The following RGPD3 variants were observed in gnomAD, a reference collection of about 807,000 sequenced individuals.
The protein encoded by RGPD3 is RANBP2 like and GRIP domain containing 3.
In RGPD3, 62 loss-of-function variants were observed where a neutral mutation model predicts 154.5. The ratio of observed to expected loss-of-function variants is 0.40; its 90% CI spans 0.33 to 0.50. The LOEUF is 0.50. Ranked by LOEUF, RGPD3 falls within the 20% of genes least tolerant of loss-of-function variation. The probability of loss-of-function intolerance (pLI) is 0.59; values close to 1 mark genes in which losing one functional copy is unlikely to be tolerated. For missense variants in RGPD3, 919 were observed against 1,716.8 expected (o/e 0.54, Z 8.21); for synonymous variants, 308 against 607.0 (o/e 0.51, Z 7.24).
chr2:106,467,634 C>A (rs1678668350), intron 1 of RGPD3, among the ~76,000 whole-genome samples: 1 of 143,868 alleles, frequency 7.0e-6, no homozygotes, highest in East Asian at 2.0e-4. Flanking sequence ...GAGGCAGCCG[C>A]CTCCACAGAG....
At chr2:106,441,109 A>T (rs895402726) in intron 8 of RGPD3, among the ~76,000 whole-genome samples, 184 bp downstream of exon 8, 4 of 149,778 alleles carry the variant, frequency 2.7e-5, no homozygotes, top group East Asian at 1.9e-4. Context: ...TCAAATATTC[A>T]TTTTTTTTAA....
intron 4 of RGPD3, among the ~76,000 whole-genome samples, chr2:106,455,055 C>T (rs1381312534): frequency 5.3e-5 from 8 of 152,190 alleles, no homozygotes; most frequent in Non-Finnish European, 8.8e-5. Context: ...AATCCCAGCA[C>T]TTTGGGAGGC....
At chr2:106,418,506 C>T (rs1676881947) in intron 20 of RGPD3, among the ~76,000 whole-genome samples, 1 of 152,082 alleles carries the variant, frequency 6.6e-6, no homozygotes, top group Non-Finnish European at 1.5e-5. Flanking sequence ...GCCCAGAATC[C>T]AGGGCACGGA....
At chr2:106,426,265 G>GA (rs1312235664) in intron 18 of RGPD3, among the ~76,000 whole-genome samples, 177 bp from the exon 19 acceptor site, 2 of 148,288 alleles carry the variant, frequency 1.3e-5, no homozygotes, top group Non-Finnish European at 3.0e-5. Flanking sequence ...TGACAAACTA[G>GA]AAAAAAACTG....
chr2:106,437,490 T>G (rs908152532), intron 9 of RGPD3, among the ~76,000 whole-genome samples: 8 of 152,028 alleles, frequency 5.3e-5, no homozygotes, highest in African/African-American at 1.4e-4. Context: ...CCAGCCTGGG[T>G]GACAGAGCGA....
At position 106,404,231 on chromosome 2, in the gene RGPD3, A is replaced by G. The variant is rs1305275907; in HGVS notation, c.*988T>C. ...GTTGGGATAGGTTTTTATTTGGGAA[A>G]ATGGAGAGGATTCTCAAAACAGATT... On this transcript the variant is annotated 3_prime_UTR_variant, in exon 23 of 23. Transcript: ENST00000409886. 1.3e-5 allele frequency among the ~76,000 whole-genome samples: 2 copies of G among 150,268 alleles called. No individual in the cohort carries two copies. The highest frequency in any genetic ancestry group is 5.0e-5 in the African/African-American group (2 of 40,016).
At chr2:106,450,760 C>CT (rs1172014126) in intron 6 of RGPD3, among the ~76,000 whole-genome samples, 1 of 123,850 alleles carries the variant, frequency 8.1e-6, no homozygotes, top group Non-Finnish European at 1.6e-5. Context: ...TGTCGGGCAC[C>CT]TGTAGTTCCA....
In RGPD3 at chr2:106,422,936, C is replaced by A. The variant is rs1196923960; in HGVS notation, c.4924+107G>T. 19 of 1,597,046 alleles carry A rather than the reference C, an allele frequency of 1.2e-5. No homozygotes were observed. In the East Asian group the frequency reaches 3.6e-4, roughly 30 times the overall value. ...TGCTCAAATATTTTAGGGGTGTTCA[C>A]AAAGCATCGTTCATATCCCAACATT... On this transcript the variant is annotated intron_variant, in intron 20 of 22. Coordinates refer to ENST00000409886, the MANE Select transcript of RGPD3 (RefSeq NM_001144013.2).
intron 20 of RGPD3, among the ~76,000 whole-genome samples, chr2:106,420,799 C>A (rs563900562): frequency 1.3e-5 from 2 of 152,216 alleles, no homozygotes; most frequent in Non-Finnish European, 2.9e-5. Flanking sequence ...ATTTGAGATG[C>A]GGTCTTCCTT....
chr2:106,441,398 A>C lies in RGPD3; in HGVS notation c.979-18T>G. ...CTTGGAACCTAATAATTTTAGAATC[A>C]AAAATCTTAATTTGATGATACCCAT... On this transcript the variant is annotated intron_variant, in intron 7 of 22. Transcript: ENST00000409886. 2 of 1,357,594 alleles carry C rather than the reference A, an allele frequency of 1.5e-6. No individual in the cohort carries two copies. Among genetic ancestry groups the C allele is most frequent in the Non-Finnish European group, 2.0e-6 (2 of 996,402 alleles). The allele number at this position is 1,357,594 out of a possible 1,614,324, so 84.1% of individuals were successfully genotyped here.
chr2:106,442,497 G>GAAA (rs200777302), intron 7 of RGPD3, among the ~76,000 whole-genome samples: 31 of 99,172 alleles, frequency 3.1e-4, no homozygotes, highest in Non-Finnish European at 5.3e-4. Context: ...AATAACCTAT[G>GAAA]AAAAAAAAAA....
At chr2:106,407,078 TG>T (rs1676538753) in intron 22 of RGPD3, among the ~76,000 whole-genome samples, 1 of 148,686 alleles carries the variant, frequency 6.7e-6, no homozygotes, top group African/African-American at 2.5e-5. Context: ...TTGGCATGGC[TG>T]GGGTCTCATC....
intron 9 of RGPD3, among the ~76,000 whole-genome samples, chr2:106,437,612 G>A (rs971046211): frequency 6.6e-6 from 1 of 152,194 alleles, no homozygotes; most frequent in African/African-American, 2.4e-5. Context: ...ACTTAAAGAT[G>A]TTCATGTCCT....
intron 1 of RGPD3, among the ~76,000 whole-genome samples, chr2:106,463,805 G>A (rs1311287536): frequency 2.3e-4 from 35 of 152,114 alleles, no homozygotes; most frequent in Middle Eastern, 3.2e-3. Context: ...GAGGGTTTAA[G>A]TTGCTGAGTT....
At chr2:106,426,719 AC>A in intron 18 of RGPD3, among the ~76,000 whole-genome samples, 1 of 152,264 alleles carries the variant, frequency 6.6e-6, no homozygotes, top group Non-Finnish European at 1.5e-5. Context: ...CCTGTTAATG[AC>A]AAAACTACCA....
In RGPD3 at chr2:106,424,534, CTA is replaced by C. The variant is rs1037711653; in HGVS notation, c.3431_3432del (p.Leu1144ArgfsTer8). 2.5e-5 allele frequency: 41 copies of C among 1,607,994 alleles called. No homozygotes were observed. Among genetic ancestry groups the C allele is most frequent in the Non-Finnish European group, 3.5e-5 (41 of 1,179,332 alleles). On this transcript the variant is annotated frameshift_variant, in exon 20 of 23. Coordinates refer to ENST00000409886, the MANE Select transcript of RGPD3 (RefSeq NM_001144013.2). LOFTEE classifies it high-confidence loss of function. ...ASDFSDGDAKLERLAAKFKTP... is the reference protein window; with the variant it reads ...ASDFSDGDAKXERLAAKFKTP... ...GTTTTAAATTTTGCTGCCAATCGCT[CTA>C]GTTTGGCATCACCATCAGAGAAATC...
At chr2:106,428,556 C>CTGTTA (rs1558843238) in intron 18 of RGPD3, among the ~76,000 whole-genome samples, 1 of 149,352 alleles carries the variant, frequency 6.7e-6, no homozygotes. Context: ...CAAAGATTTT[C>CTGTTA]TGTTATTTTG....
chr2:106,410,643 A>G (rs1016466723), intron 22 of RGPD3, among the ~76,000 whole-genome samples: 1 of 152,184 alleles, frequency 6.6e-6, no homozygotes, highest in African/African-American at 2.4e-5. Flanking sequence ...AGTCCTGGTT[A>G]ATTTTATAAC....
chr2:106,424,942 C>A lies in RGPD3; in HGVS notation c.3025G>T (p.Gly1009Cys), dbSNP rs983419486. ...GTGTTTGCTTTATTGGCCATTTTAC[C>A]GTATTGTGATGAGAATAATTTTTCT... ...AGEKLFSSQY[G>C]KMANKANTSG... The change falls in exon 20 of 23, where the codon GGT becomes TGT. Residue 1009 changes from glycine (G) to cysteine (C), a missense_variant. Gly to Cys is a radical substitution (Grantham distance 159). Transcript: ENST00000409886. The A allele has an allele frequency of 1.9e-6, 3 of 1,611,824 alleles. No individual in the cohort carries two copies. Among genetic ancestry groups the A allele is most frequent in the Admixed American group, 1.7e-5 (1 of 59,984 alleles).
Sources: gnomAD v4.1 joint callset for allele counts (sites outside exome capture counted in the v4.1 genomes callset) on GRCh38, gnomAD v4.1.1 for gene constraint, MANE v1.5 for transcripts, NCBI Gene and HGNC (gene_info 2026-07-23, HGNC 2026-07-21) for gene names.